DCAF1: variants seen among roughly 807,000 people sequenced by gnomAD.
DCAF1 encodes the protein DDB1 and CUL4 associated factor 1, also known as DDB1- and CUL4-associated factor 1.
In DCAF1, 15 loss-of-function variants were observed where a neutral mutation model predicts 128.0. The ratio of observed to expected loss-of-function variants is 0.12; its 90% CI spans 0.08 to 0.18. The LOEUF (loss-of-function observed/expected upper bound fraction) is 0.18, where lower values mean the gene tolerates loss of function less well. DCAF1 is among the 10% of genes least tolerant of loss of function. DCAF1 has a pLI of 1.00. For synonymous variants in DCAF1, 610 were observed against 603.0 expected, an observed-to-expected ratio of 1.01 and a Z score of -0.17; for missense variants, 988 against 1,649.5, an observed-to-expected ratio of 0.60 and a Z score of 6.95.
chr3:51,418,904 G>C (rs1699140290), intron 15 of DCAF1, 28 bp from the exon 16 acceptor site: 2 of 1,572,568 alleles, frequency 1.3e-6, no homozygotes, highest in Non-Finnish European at 1.7e-6. Context: ...AGAATCACAG[G>C]CAAAGAATGT....
chr3:51,408,757 C>T (rs1225898981), intron 23 of DCAF1, among the ~76,000 whole-genome samples: 1 of 152,194 alleles, frequency 6.6e-6, no homozygotes, highest in Non-Finnish European at 1.5e-5. Context: ...TCAAACATCT[C>T]TAAATCAAAA....
chr3:51,444,892 G>C lies in DCAF1; in HGVS notation c.376-989C>G, dbSNP rs375900171. Reference sequence around the variant, plus strand: ...GGGTTTCACCGTGTTAGCCAGGATGGTCTCGATCTCCTGACCTCGTGATCC... The same window carrying C: ...GGGTTTCACCGTGTTAGCCAGGATGCTCTCGATCTCCTGACCTCGTGATCC... On this transcript the variant is annotated intron_variant, in intron 6 of 24. Coordinates refer to ENST00000684031, the MANE Select transcript of DCAF1 (RefSeq NM_001387579.1). Among the ~76,000 whole-genome samples, 4 of 147,100 alleles carry C rather than the reference G, an allele frequency of 2.7e-5. No individual in the cohort carries two copies. The East Asian group carries it at 6.1e-4, about 23-fold the overall frequency.
At chr3:51,483,264 C>G (rs1706475714) in intron 3 of DCAF1, among the ~76,000 whole-genome samples, 1 of 150,618 alleles carries the variant, frequency 6.6e-6, no homozygotes, top group Admixed American at 6.7e-5. Flanking sequence ...CATGGTGAAA[C>G]CCCGTCTCTA....
intron 6 of DCAF1, among the ~76,000 whole-genome samples, chr3:51,446,439 CA>C (rs1701861570): frequency 6.6e-6 from 1 of 151,990 alleles, no homozygotes; most frequent in South Asian, 2.1e-4. Context: ...CCAGCCTAGG[CA>C]ACGTAGCAAG....
chr3:51,441,337 A>T, intron 8 of DCAF1, 48 bp downstream of exon 8: 1 of 1,549,096 alleles, frequency 6.5e-7, no homozygotes, highest in South Asian at 1.2e-5. Context: ...CACAGAAATG[A>T]ACACAATAAT....
intron 6 of DCAF1, among the ~76,000 whole-genome samples, chr3:51,447,133 A>G (rs1701951141): frequency 6.6e-6 from 1 of 151,914 alleles, no homozygotes; most frequent in African/African-American, 2.4e-5. Flanking sequence ...TGGGCTGGGC[A>G]TGGTGGCTCA....
At chr3:51,497,977 G>T (rs1368257332) in intron 1 of DCAF1, among the ~76,000 whole-genome samples, 3 of 148,490 alleles carry the variant, frequency 2.0e-5, no homozygotes, top group Middle Eastern at 3.5e-3. Flanking sequence ...GTGAACCTGG[G>T]AGGCGGAGCT....
At chr3:51,412,623 A>G in intron 22 of DCAF1, 143 bp from the exon 23 acceptor site, 1 of 1,387,434 alleles carries the variant, frequency 7.2e-7, no homozygotes, top group Non-Finnish European at 9.6e-7. Flanking sequence ...TGACTATGAA[A>G]ATGTTATACC....
At chr3:51,487,139 T>C (rs567573020) in intron 2 of DCAF1, among the ~76,000 whole-genome samples, 1 of 151,660 alleles carries the variant, frequency 6.6e-6, no homozygotes, top group African/African-American at 2.4e-5. Context: ...ACCCAGCTAA[T>C]TTTTGTATTT....
intron 24 of DCAF1, among the ~76,000 whole-genome samples, chr3:51,399,085 G>A (rs1378181846): frequency 4.6e-5 from 7 of 152,222 alleles, no homozygotes; most frequent in African/African-American, 9.6e-5. Context: ...CCTGGGAGGC[G>A]CTGAAGGGAT....
intron 3 of DCAF1, among the ~76,000 whole-genome samples, chr3:51,481,853 C>T (rs1262279498): frequency 1.3e-5 from 2 of 151,830 alleles, no homozygotes; most frequent in Non-Finnish European, 1.5e-5. Context: ...TAGCCAGCGT[C>T]GTGGCGGGCA....
At chr3:51,468,465 C>T (rs1704375434) in intron 4 of DCAF1, among the ~76,000 whole-genome samples, 1 of 152,164 alleles carries the variant, frequency 6.6e-6, no homozygotes, top group African/African-American at 2.4e-5. Flanking sequence ...AGCCATCACA[C>T]GCGGCCTAGT....
chr3:51,466,616 G>C (rs1704155722), intron 5 of DCAF1, among the ~76,000 whole-genome samples, 187 bp downstream of exon 5: 2 of 152,058 alleles, frequency 1.3e-5, no homozygotes, highest in Non-Finnish European at 2.9e-5. Context: ...GATACCTTGG[G>C]AGGCCTCACC....
At chr3:51,494,346 C>T (rs1315769596) in intron 2 of DCAF1, among the ~76,000 whole-genome samples, 3 of 151,876 alleles carry the variant, frequency 2.0e-5, no homozygotes. Context: ...AATCTCCTGA[C>T]CTCGTGATCC....
At chr3:51,499,080 C>A (rs1553662802) in intron 1 of DCAF1, among the ~76,000 whole-genome samples, 1 of 152,206 alleles carries the variant, frequency 6.6e-6, no homozygotes, top group East Asian at 1.9e-4. Flanking sequence ...ACAAACACTC[C>A]AAAACTATTT....
intron 2 of DCAF1, among the ~76,000 whole-genome samples, chr3:51,495,997 G>GAA (rs1304757862): frequency 7.2e-6 from 1 of 138,346 alleles, no homozygotes. Context: ...TTGTCTCAAG[G>GAA]AAAAAAAAAA....
intron 22 of DCAF1, 63 bp downstream of exon 22, chr3:51,412,930 A>C: frequency 6.3e-7 from 1 of 1,595,560 alleles, no homozygotes; most frequent in Non-Finnish European, 8.5e-7. Flanking sequence ...TGTCTGTAGT[A>C]CAACTTGAAA....
At chr3:51,414,149 C>A (rs2107203980) in intron 19 of DCAF1, 106 bp from the exon 20 acceptor site, 2 of 1,379,306 alleles carry the variant, frequency 1.5e-6, no homozygotes, top group Middle Eastern at 1.9e-4. Context: ...GGTATTGATA[C>A]TTTAAAAGTC....
intron 24 of DCAF1, among the ~76,000 whole-genome samples, chr3:51,400,636 C>T (rs1280397908): frequency 1.3e-5 from 2 of 152,116 alleles, no homozygotes; most frequent in Non-Finnish European, 2.9e-5. Context: ...TCTCTACCTT[C>T]CTTATCCTTT....
Sources: allele counts gnomAD v4.1 joint callset (sites outside exome capture counted in the v4.1 genomes callset), GRCh38; gene constraint gnomAD v4.1.1; transcripts MANE v1.5; gene names NCBI Gene and HGNC (gene_info 2026-07-23, HGNC 2026-07-21).